NRG1: variants seen among roughly 807,000 people sequenced by gnomAD.
NRG1 encodes pro-neuregulin-1, membrane-bound isoform.
Under a neutral mutation model 63.8 loss-of-function variants are expected in NRG1, and 18 were observed. The observed-to-expected ratio is 0.28, with a 90% CI of 0.19 to 0.42. The LOEUF (loss-of-function observed/expected upper bound fraction) is 0.42. NRG1 is among the 10% of genes least tolerant of loss of function. The pLI is 1.00. For synonymous variants in NRG1, 302 were observed against 301.3 expected (o/e 1.00, Z -0.02); for missense variants, 762 against 814.7 (o/e 0.94, Z 0.79).
chr8:32,627,792 GC>G (rs1849568130), intron 5 of NRG1, among the ~76,000 whole-genome samples: 1 of 152,076 alleles, frequency 6.6e-6, no homozygotes, highest in South Asian at 2.1e-4. Flanking sequence ...CAAAAATTTT[GC>G]CTGTATGATC....
chr8:32,524,089 C>G (rs1277246250), intron 1 of NRG1, among the ~76,000 whole-genome samples: 1 of 151,972 alleles, frequency 6.6e-6, no homozygotes, highest in Non-Finnish European at 1.5e-5. Flanking sequence ...GAGTTCAAGA[C>G]CAGCCCGGGC....
At chr8:32,200,549 C>T (rs2132292152) in intron 1 of NRG1, among the ~76,000 whole-genome samples, 1 of 152,246 alleles carries the variant, frequency 6.6e-6, no homozygotes, top group East Asian at 1.9e-4. Flanking sequence ...TCACTAGCTA[C>T]CTCAACTGTC....
intron 1 of NRG1, among the ~76,000 whole-genome samples, chr8:31,820,026 C>T (rs187867086): frequency 3.9e-5 from 6 of 152,248 alleles, no homozygotes; most frequent in African/African-American, 7.2e-5. Context: ...GGGAGAAAAG[C>T]GAGTCTGCCT....
chr8:32,754,460 C>T, exon 8 of NRG1: 1 of 1,613,784 alleles, frequency 6.2e-7, no homozygotes, highest in South Asian at 1.1e-5. Context: ...GTGTGGTGGC[C>T]TACTGCAAAA....
At chr8:31,775,621 C>T (rs1227550684) in intron 1 of NRG1, among the ~76,000 whole-genome samples, 2 of 152,120 alleles carry the variant, frequency 1.3e-5, no homozygotes, top group African/African-American at 2.4e-5. Context: ...GGTGCGGTGG[C>T]TCACGCCTGT....
chr8:31,937,479 A>T (rs1801078475), intron 1 of NRG1, among the ~76,000 whole-genome samples: 1 of 152,222 alleles, frequency 6.6e-6, no homozygotes, highest in Admixed American at 6.5e-5. Context: ...GACAGAAAAT[A>T]ATTTTATTTG....
At chr8:32,617,272 A>T (rs1423995370) in intron 5 of NRG1, among the ~76,000 whole-genome samples, 1 of 152,168 alleles carries the variant, frequency 6.6e-6, no homozygotes, top group Admixed American at 6.5e-5. Flanking sequence ...AGCTGTTTGG[A>T]GCTTCCGTTC....
chr8:32,297,594 G>A (rs2129474732), intron 1 of NRG1, among the ~76,000 whole-genome samples: 1 of 152,310 alleles, frequency 6.6e-6, no homozygotes, highest in Non-Finnish European at 1.5e-5. Context: ...CTCTCAGGAA[G>A]AAGTCCTTGC....
Position 31,640,341 on chromosome 8 carries a change from C to T in NRG1, c.37+910C>T, listed in dbSNP as rs1257840331. 2.5e-6 allele frequency: 3 copies of T among 1,194,030 alleles called. No homozygotes were observed. Among genetic ancestry groups the T allele is most frequent in the South Asian group, 8.3e-5 (2 of 24,190 alleles). 74.0% of individuals were successfully genotyped at this position (1,194,030 alleles called of 1,614,324 possible). On this transcript the variant is annotated intron_variant, in intron 1 of 10. Transcript: ENST00000519301. This position sits in a 1 kb window ranked among gnomAD's most constrained non-coding sequence, Gnocchi z 6.3. Reference sequence around the variant, plus strand: ...GGGGCGGCGATCGCGAGCCGCCAGCCGCGGGCCCACGGGCGCTGGGGCCGC... The same window carrying T: ...GGGGCGGCGATCGCGAGCCGCCAGCTGCGGGCCCACGGGCGCTGGGGCCGC...
At chr8:31,668,460 T>C (rs1254369824) in intron 1 of NRG1, among the ~76,000 whole-genome samples, 2 of 152,202 alleles carry the variant, frequency 1.3e-5, no homozygotes, top group Non-Finnish European at 1.5e-5. Context: ...TTCCTTTATA[T>C]TGTGTGTCAA....
rs2129039317 is a variant in NRG1, at chr8:32,742,159, T to C, written c.633-516T>C. The C allele has an allele frequency of 9.3e-7, 1 of 1,079,220 alleles. No homozygotes were observed. Among genetic ancestry groups the C allele is most frequent in the East Asian group, 2.4e-5 (1 of 41,020 alleles). 66.9% of individuals were successfully genotyped at this position (1,079,220 alleles called of 1,614,324 possible). On this transcript the variant is annotated intron_variant, in intron 6 of 11. Transcript: ENST00000356819. This position sits in a 1 kb window ranked among gnomAD's most constrained non-coding sequence, Gnocchi z 4.2. ...ACTTGGTGCTTTTACAGCTCAGTCGTAACTGATTCATTTTGTTCTAATTAT... is the reference window on the plus strand; with the variant it reads ...ACTTGGTGCTTTTACAGCTCAGTCGCAACTGATTCATTTTGTTCTAATTAT...
chr8:31,868,146 TTACACACACACACACACA>T (rs1400568095), intron 1 of NRG1, among the ~76,000 whole-genome samples: 3 of 115,802 alleles, frequency 2.6e-5, no homozygotes, highest in African/African-American at 8.7e-5. Context: ...CACATACATC[TTACACACACACACACACA>T]CACACACACA....
intron 1 of NRG1, among the ~76,000 whole-genome samples, chr8:32,245,724 T>C (rs1208410838): frequency 6.6e-6 from 1 of 152,162 alleles, no homozygotes; most frequent in Non-Finnish European, 1.5e-5. Flanking sequence ...ATTATTTACA[T>C]TGTTGTCTTA....
chr8:32,642,268 A>G (rs1442354527), intron 5 of NRG1, among the ~76,000 whole-genome samples: 1 of 152,372 alleles, frequency 6.6e-6, no homozygotes, highest in South Asian at 2.1e-4. Flanking sequence ...AAATGTATGT[A>G]TTGAATGGAC....
At chr8:32,338,281 A>G (rs1443095944) in intron 1 of NRG1, among the ~76,000 whole-genome samples, 1 of 152,196 alleles carries the variant, frequency 6.6e-6, no homozygotes, top group Non-Finnish European at 1.5e-5. Context: ...CCGGAAGTTG[A>G]CAGCTTTGGA....
intron 1 of NRG1, among the ~76,000 whole-genome samples, chr8:32,315,448 T>G (rs563131907): frequency 6.6e-6 from 1 of 152,368 alleles, no homozygotes; most frequent in South Asian, 2.1e-4. Context: ...CTATGGTATA[T>G]ATGTACCACA....
At chr8:32,620,512 G>A (rs1848144052) in intron 5 of NRG1, among the ~76,000 whole-genome samples, 1 of 115,464 alleles carries the variant, frequency 8.7e-6, no homozygotes, top group Non-Finnish European at 1.8e-5. Context: ...AACTCATGTT[G>A]GATTAGAAGA....
upstream of NRG1, among the ~76,000 whole-genome samples, chr8:32,543,878 CAG>C (rs1429407298): frequency 6.6e-6 from 1 of 152,020 alleles, no homozygotes; most frequent in African/African-American, 2.4e-5. Context: ...CTAGTTTTGC[CAG>C]AGTGTCTTGC....
intron 1 of NRG1, among the ~76,000 whole-genome samples, chr8:32,016,592 C>T (rs1159938951): frequency 1.3e-5 from 2 of 152,006 alleles, no homozygotes; most frequent in Non-Finnish European, 2.9e-5. Context: ...GAGTTTTGTT[C>T]TGTCTTTCAT....
Sources: allele counts gnomAD v4.1 joint callset (sites outside exome capture counted in the v4.1 genomes callset), GRCh38; gene constraint gnomAD v4.1.1; non-coding constraint Gnocchi (gnomAD v3.1); transcripts MANE v1.5; gene names NCBI Gene and HGNC (gene_info 2026-07-23, HGNC 2026-07-21).